STYK1: variants seen among roughly 807,000 people sequenced by gnomAD.
The protein encoded by STYK1 is tyrosine-protein kinase STYK1.
In STYK1, 46 loss-of-function variants were observed where a neutral mutation model predicts 48.1. The observed-to-expected ratio is 0.96, with a 90% confidence interval of 0.75 to 1.22. The LOEUF (loss-of-function observed/expected upper bound fraction) is 1.22, where lower values mean the gene tolerates loss of function less well. STYK1 is among the 50% of genes most tolerant of loss of function. STYK1 has a pLI of 0.00. For synonymous variants in STYK1, 188 were observed against 189.0 expected, an observed-to-expected ratio of 0.99 and a Z score of 0.04; for missense variants, 527 against 521.1, an observed-to-expected ratio of 1.01 and a Z score of -0.11.
At chr12:10,666,289 A>G (rs1387343554) in intron 1 of STYK1, among the ~76,000 whole-genome samples, 1 of 152,168 alleles carries the variant, frequency 6.6e-6, no homozygotes, top group Non-Finnish European at 1.5e-5. Context: ...ATAGCTGACT[A>G]TTGTCAGAAA....
intron 1 of STYK1, among the ~76,000 whole-genome samples, chr12:10,647,621 G>A (rs1163153532): frequency 6.6e-6 from 1 of 152,122 alleles, no homozygotes; most frequent in Non-Finnish European, 1.5e-5. Flanking sequence ...AGGCAATATT[G>A]GTTTTGAAAT....
rs1415994599 is a variant in STYK1 at position 10,673,987 on chromosome 12, C to G, written c.-216G>C. On this transcript the variant is annotated 5_prime_UTR_variant, in exon 1 of 11. Coordinates refer to ENST00000075503, the MANE Select transcript of STYK1 (RefSeq NM_018423.3). The stretch of plus-strand genomic sequence containing the variant: ...CTACCGTGTCCCTCCTCTGGTCACT[C>G]CGGTTTCCGATGGCACCGGCCCAGT... 1 of 152,238 alleles carries G rather than the reference C, an allele frequency of 6.6e-6. No individual in the cohort carries two copies. The highest frequency in any genetic ancestry group is 1.5e-5 in the Non-Finnish European group (1 of 68,084). 9.4% of individuals were successfully genotyped at this position (152,238 alleles called of 1,614,324 possible).
rs533895583 is a variant in STYK1 at position 10,658,713 on chromosome 12, T to C, written c.-195+15253A>G. 1.8e-4 allele frequency among the ~76,000 whole-genome samples: 27 copies of C among 152,332 alleles called. 1 individual carries two copies. The South Asian group carries it at 1.9e-3, about 11-fold the overall frequency. On this transcript the variant is annotated intron_variant, in intron 1 of 10. Transcript: ENST00000075503. ...ATCTGTAGAAATCATACAGGAAGCA[T>C]TATAAAATATAAAATTGTGTTTGGC...
intron 8 of STYK1, among the ~76,000 whole-genome samples, chr12:10,624,087 CT>C (rs112853318): frequency 0.013 from 1,844 of 147,150 alleles, 31 homozygotes; most frequent in African/African-American, 0.043. Flanking sequence ...AATCTTTTCA[CT>C]TTTTTTTTTT....
chr12:10,632,571 G>A (rs1350756292), intron 4 of STYK1, among the ~76,000 whole-genome samples: 2 of 152,108 alleles, frequency 1.3e-5, no homozygotes, highest in African/African-American at 4.8e-5. Flanking sequence ...TACTGCATGT[G>A]TGTGTGTGGA....
chr12:10,634,571 C>CA lies in STYK1; in HGVS notation c.47dup (p.Leu16PhefsTer10), dbSNP rs1947465601. On this transcript the variant is annotated frameshift_variant, in exon 3 of 11. Transcript: ENST00000075503. LOFTEE classifies it high-confidence loss of function. ...ATCTGTGGAATCCGTACTTACCACA[C>CA]AACTTGTCACTGAGACTGCATTCCA... 6.2e-7 allele frequency: 1 copy of CA among 1,613,956 alleles called. No homozygotes were observed. The highest frequency in any genetic ancestry group is 1.3e-5 in the African/African-American group (1 of 74,890).
intron 1 of STYK1, among the ~76,000 whole-genome samples, chr12:10,642,494 C>G (rs1324630678): frequency 1.3e-5 from 2 of 152,168 alleles, no homozygotes; most frequent in Admixed American, 1.3e-4. Context: ...TGTTAGTCTC[C>G]CTCTTCCTCC....
Position 10,620,045 on chromosome 12 carries a change from T to A in STYK1, c.*99A>T. ...GGAAGATCAAGAATCCATGTCCCAT[T>A]TCTCCCTTTGTGTCCCTGGGAAAGA... On this transcript the variant is annotated 3_prime_UTR_variant, in exon 11 of 11. Coordinates refer to ENST00000075503, the MANE Select transcript of STYK1 (RefSeq NM_018423.3). 7.5e-7 allele frequency: 1 copy of A among 1,326,718 alleles called. No homozygotes were observed. The highest frequency in any genetic ancestry group is 1.2e-5 in the South Asian group (1 of 80,574). 82.2% of individuals were successfully genotyped at this position (1,326,718 alleles called of 1,614,324 possible).
intron 1 of STYK1, among the ~76,000 whole-genome samples, chr12:10,650,397 A>G (rs1338970787): frequency 6.6e-6 from 1 of 152,188 alleles, no homozygotes; most frequent in East Asian, 1.9e-4. Context: ...TTCTAGTGAG[A>G]ATTAATAAGA....
intron 1 of STYK1, among the ~76,000 whole-genome samples, chr12:10,665,161 A>G (rs1043668114): frequency 2.0e-5 from 3 of 152,260 alleles, no homozygotes; most frequent in African/African-American, 4.8e-5. Flanking sequence ...TTCAACTCTC[A>G]GTGTCAGAAA....
In STYK1 at chr12:10,665,884, T is replaced by C. The variant is rs574413678; in HGVS notation, c.-195+8082A>G. ...GCCCTGTGAGGAAAGACCACAGAAG[T>C]AGGAGTCAGGGAAGCCATGTGGTTT... On this transcript the variant is annotated intron_variant, in intron 1 of 10. Transcript: ENST00000075503. Among the ~76,000 whole-genome samples, 21 of 152,214 alleles carry C rather than the reference T, an allele frequency of 1.4e-4. No homozygotes were observed. In the South Asian group the frequency reaches 4.1e-3, roughly 30 times the overall value.
chr12:10,659,584 G>GCCC (rs201920339), intron 1 of STYK1, among the ~76,000 whole-genome samples: 1 of 152,004 alleles, frequency 6.6e-6, no homozygotes, highest in Admixed American at 6.6e-5. Flanking sequence ...GGCCCAGGAG[G>GCCC]CAAGTTATCT....
intron 1 of STYK1, among the ~76,000 whole-genome samples, chr12:10,660,067 CAGTT>C (rs1228728829): frequency 1.3e-5 from 2 of 152,292 alleles, no homozygotes; most frequent in East Asian, 3.9e-4. Context: ...GTACTGGAAT[CAGTT>C]AGTGACCACA....
At position 10,661,094 on chromosome 12, in the gene STYK1, C is replaced by A. The variant is rs536728128; in HGVS notation, c.-195+12872G>T. On this transcript the variant is annotated intron_variant, in intron 1 of 10. Coordinates refer to ENST00000075503, the MANE Select transcript of STYK1 (RefSeq NM_018423.3). ...GACCCCTTTCTGGTAACAGTCTGAC[C>A]TTTACTTTTTGAAATGAAATAATAA... Among the ~76,000 whole-genome samples, 16 of 152,100 alleles carry A rather than the reference C, an allele frequency of 1.1e-4. No individual in the cohort carries two copies. In the East Asian group the frequency reaches 3.1e-3, roughly 29 times the overall value.
intron 1 of STYK1, among the ~76,000 whole-genome samples, chr12:10,652,086 T>C (rs1947668525): frequency 6.6e-6 from 1 of 152,216 alleles, no homozygotes; most frequent in African/African-American, 2.4e-5. Flanking sequence ...GAACCAGGTA[T>C]TGAGATTTAT....
In STYK1 at chr12:10,629,659, T is replaced by C; in HGVS notation, c.467A>G (p.His156Arg). 6.2e-7 allele frequency: 1 copy of C among 1,614,186 alleles called. No homozygotes were observed. The highest frequency in any genetic ancestry group is 8.5e-7 in the Non-Finnish European group (1 of 1,180,028). ...LKALKEPAGL[H>R]EVQDFLGRIQ... ...TCGCCCTAAGAAATCTTGTACCTCA[T>C]GGAGCCCAGCTGGTTCTGTAGAGGA... The change falls in exon 6 of 11, where the codon CAT becomes CGT. Residue 156 changes from histidine to arginine, a missense_variant. By Grantham distance (29) the His-to-Arg change is conservative (BLOSUM62 0). Transcript: ENST00000075503.
intron 1 of STYK1, among the ~76,000 whole-genome samples, chr12:10,663,621 AAAAAAAAAAAAAAAAATC>A (rs1378518335): frequency 0.011 from 1,538 of 145,690 alleles, 52 homozygotes; most frequent in African/African-American, 0.04. Context: ...AAAAAAAAAA[AAAAAAAAAAAAAAAAATC>A]ATTAAGTGTG....
At chr12:10,643,680 T>A (rs1424530035) in intron 1 of STYK1, among the ~76,000 whole-genome samples, 1 of 152,196 alleles carries the variant, frequency 6.6e-6, no homozygotes, top group Non-Finnish European at 1.5e-5. Flanking sequence ...AAACAGTATT[T>A]AAGCAAATGA....
At chr12:10,632,149 C>A (rs1947436258) in intron 4 of STYK1, among the ~76,000 whole-genome samples, 1 of 151,356 alleles carries the variant, frequency 6.6e-6, no homozygotes, top group African/African-American at 2.4e-5. Flanking sequence ...CCCAGGAGAT[C>A]CTGGGCTGAA....
Sources: gnomAD v4.1 joint callset for allele counts (sites outside exome capture counted in the v4.1 genomes callset) on GRCh38, gnomAD v4.1.1 for gene constraint, MANE v1.5 for transcripts, NCBI Gene and HGNC (gene_info 2026-07-23, HGNC 2026-07-21) for gene names.